The following SNX29 variants were observed in gnomAD, a reference collection of about 807,000 sequenced individuals.
The protein encoded by SNX29 is sorting nexin-29.
Under a neutral mutation model 102.1 loss-of-function variants are expected in SNX29, and 78 were observed. The observed-to-expected ratio is 0.76, with a 90% CI of 0.64 to 0.92. The LOEUF (loss-of-function observed/expected upper bound fraction) is 0.92. Ranked by LOEUF, SNX29 falls within the 40% of genes least tolerant of loss-of-function variation. The pLI, the probability that SNX29 is intolerant of heterozygous loss-of-function variation, is 0.00. For missense variants in SNX29, 1,280 were observed against 1,061.7 expected (o/e 1.21, Z -2.86); for synonymous variants, 580 against 414.5 (o/e 1.40, Z -4.85).
At chr16:12,269,390 G>C (rs2079026131) in intron 14 of SNX29, among the ~76,000 whole-genome samples, 1 of 152,342 alleles carries the variant, frequency 6.6e-6, no homozygotes, top group South Asian at 2.1e-4. Flanking sequence ...GCTCCAGTGA[G>C]ATTTTGATGT....
intron 15 of SNX29, among the ~76,000 whole-genome samples, chr16:12,295,828 A>G (rs997274387): frequency 1.3e-5 from 2 of 151,494 alleles, no homozygotes; most frequent in African/African-American, 4.9e-5. Flanking sequence ...TTTTTAAGGT[A>G]GAGAAGGGAG....
intron 1 of SNX29, among the ~76,000 whole-genome samples, chr16:11,994,882 C>T (rs2055998760): frequency 6.6e-6 from 1 of 152,126 alleles, no homozygotes; most frequent in Non-Finnish European, 1.5e-5. Flanking sequence ...AGGGCATGAT[C>T]TCATGCAGAA....
chr16:12,495,926 G>T (rs986082451), intron 19 of SNX29, among the ~76,000 whole-genome samples: 1 of 152,192 alleles, frequency 6.6e-6, no homozygotes, highest in Non-Finnish European at 1.5e-5. Flanking sequence ...GGTGTCAGGT[G>T]CCTGTAATCC....
chr16:12,106,103 T>C (rs752102951), intron 11 of SNX29, among the ~76,000 whole-genome samples: 24 of 152,194 alleles, frequency 1.6e-4, no homozygotes, highest in Non-Finnish European at 3.1e-4. Flanking sequence ...CACAGCTTAA[T>C]GATACGAAAT....
chr16:12,027,340 A>T lies in SNX29; in HGVS notation c.143A>T (p.Gln48Leu), dbSNP rs752607721. The T allele has an allele frequency of 1.9e-6, 3 of 1,613,968 alleles. No homozygotes were observed. The highest frequency in any genetic ancestry group is 8.5e-7 in the Non-Finnish European group (1 of 1,179,926). The change falls in exon 4 of 21, where the codon CAG becomes CTG. Residue 48 changes from glutamine to leucine, a missense_variant. Coordinates refer to ENST00000566228, the MANE Select transcript of SNX29 (RefSeq NM_032167.5). ...SDSRVTCLCA[Q>L]FEAVLQHGLK... is the part of the protein sequence containing the mutation. ...CACAGGGTCACCTGTCTGTGTGCCCAGTTTGAAGCCGTCCTGCAGCATGGC... is the reference window on the plus strand; with the variant it reads ...CACAGGGTCACCTGTCTGTGTGCCCTGTTTGAAGCCGTCCTGCAGCATGGC...
At chr16:12,071,741 A>C (rs2051310980) in intron 10 of SNX29, among the ~76,000 whole-genome samples, 5 of 152,142 alleles carry the variant, frequency 3.3e-5, no homozygotes, top group Admixed American at 2.0e-4. Flanking sequence ...GATGGCATTG[A>C]ATCTATAAAT....
intron 15 of SNX29, among the ~76,000 whole-genome samples, chr16:12,353,329 A>G (rs1175150305): frequency 4.6e-5 from 7 of 152,038 alleles, no homozygotes; most frequent in Non-Finnish European, 7.4e-5. Flanking sequence ...CACTTCCTCC[A>G]TGTCTCCTGT....
chr16:12,429,413 G>T (rs1328821822), intron 18 of SNX29, among the ~76,000 whole-genome samples: 1 of 152,176 alleles, frequency 6.6e-6, no homozygotes, highest in Non-Finnish European at 1.5e-5. Context: ...GTAAACGTCT[G>T]TGTTCTGCTT....
intron 13 of SNX29, among the ~76,000 whole-genome samples, chr16:12,158,904 G>A (rs1179976702): frequency 6.6e-6 from 1 of 152,180 alleles, no homozygotes; most frequent in Non-Finnish European, 1.5e-5. Context: ...GTAAATTGTT[G>A]ACTTGATCTC....
chr16:12,484,368 A>G (rs2088123447), intron 19 of SNX29, among the ~76,000 whole-genome samples: 1 of 152,210 alleles, frequency 6.6e-6, no homozygotes, highest in African/African-American at 2.4e-5. Context: ...GGACACCTGC[A>G]GTGGCTGGCC....
In SNX29 at chr16:11,999,277, T is replaced by C. The variant is rs377154975; in HGVS notation, c.8-20T>C. The C allele has an allele frequency of 1.7e-5, 28 of 1,613,618 alleles. No homozygotes were observed. Among genetic ancestry groups the C allele is most frequent in the Non-Finnish European group, 2.2e-5 (26 of 1,179,708 alleles). ...TGTCCGAGCGTCAGAGAGAACTAATTAAGCCTCATTGCATTTTAGGATCAC... is the reference window on the plus strand; with the variant it reads ...TGTCCGAGCGTCAGAGAGAACTAATCAAGCCTCATTGCATTTTAGGATCAC... On this transcript the variant is annotated intron_variant, in intron 1 of 20. Transcript: ENST00000566228.
chr16:12,006,206 A>AAATAATAATAATAATAAT (rs58638368), intron 3 of SNX29, among the ~76,000 whole-genome samples: 88 of 146,658 alleles, frequency 6.0e-4, no homozygotes, highest in African/African-American at 2.0e-3. Flanking sequence ...CCTGTCTCTA[A>AAATAATAATAATAATAAT]AATAATAATA....
chr16:12,017,542 AC>A (rs1176966996), intron 3 of SNX29, among the ~76,000 whole-genome samples: 3 of 152,226 alleles, frequency 2.0e-5, no homozygotes, highest in South Asian at 4.1e-4. Flanking sequence ...GTAGACATTT[AC>A]AAATTTTATG....
rs112113395 is a variant in SNX29, at chr16:12,358,123, G to A, written c.1899+1844G>A. Among the ~76,000 whole-genome samples the A allele has an allele frequency of 4.8e-3, 738 of 152,280 alleles. 5 individuals are homozygous for A. Among genetic ancestry groups the A allele is most frequent in the African/African-American group, 0.017 (707 of 41,550 alleles). On this transcript the variant is annotated intron_variant, in intron 16 of 20. Coordinates refer to ENST00000566228, the MANE Select transcript of SNX29 (RefSeq NM_032167.5). ...CAGTACCTAAGTGTGAAATTGCGGC[G>A]TTTTAGTGTATGGCGTCTTAAACTT...
At chr16:12,431,434 C>CTTCTTTTTTTTT (rs779738786) in intron 18 of SNX29, among the ~76,000 whole-genome samples, 2 of 136,952 alleles carry the variant, frequency 1.5e-5, no homozygotes, top group African/African-American at 5.4e-5. Flanking sequence ...TCTTCTTCTT[C>CTTCTTTTTTTTT]TTTTTTTTTT....
At chr16:12,563,103 C>G (rs1169500640) in intron 20 of SNX29, among the ~76,000 whole-genome samples, 1 of 141,926 alleles carries the variant, frequency 7.0e-6, no homozygotes, top group African/African-American at 2.4e-5. Flanking sequence ...AAGACGCACG[C>G]TAACAACAGA....
At chr16:12,445,446 T>C (rs2086007615) in intron 18 of SNX29, among the ~76,000 whole-genome samples, 1 of 152,202 alleles carries the variant, frequency 6.6e-6, no homozygotes, top group Admixed American at 6.5e-5. Context: ...CCCAGGAGGC[T>C]GGGGCTCCCT....
chr16:12,268,934 G>A (rs1026756022), intron 14 of SNX29, among the ~76,000 whole-genome samples: 4 of 152,282 alleles, frequency 2.6e-5, no homozygotes, highest in Admixed American at 6.5e-5. Context: ...ACTTAACACA[G>A]ATACCCCCAA....
intron 1 of SNX29, among the ~76,000 whole-genome samples, chr16:11,987,711 A>G (rs2055686834): frequency 6.6e-6 from 1 of 152,116 alleles, no homozygotes; most frequent in Non-Finnish European, 1.5e-5. Context: ...CTTACTCTTA[A>G]TTCCCTTTTC....
Sources: allele counts gnomAD v4.1 joint callset (sites outside exome capture counted in the v4.1 genomes callset), GRCh38; gene constraint gnomAD v4.1.1; transcripts MANE v1.5; gene names NCBI Gene and HGNC (gene_info 2026-07-23, HGNC 2026-07-21).